The following ZNF146 variants were observed in gnomAD, a reference collection of about 807,000 sequenced individuals.
ZNF146 encodes the protein zinc finger protein 146, also known as zinc finger protein OZF.
A neutral mutation model predicts 22.2 loss-of-function variants in ZNF146; 9 were observed. The observed-to-expected ratio is 0.41, with a 90% CI of 0.24 to 0.71. The LOEUF (loss-of-function observed/expected upper bound fraction) is 0.71. Ranked by LOEUF, ZNF146 falls within the 30% of genes least tolerant of loss-of-function variation. The pLI, the probability that ZNF146 is intolerant of heterozygous loss-of-function variation, is 0.34. For missense variants in ZNF146, 194 were observed against 344.8 expected, an observed-to-expected ratio of 0.56 and a Z score of 3.46; for synonymous variants, 108 against 119.2, an observed-to-expected ratio of 0.91 and a Z score of 0.61.
At chr19:36,215,825 C>T (rs956197042) in intron 1 of ZNF146, among the ~76,000 whole-genome samples, 3 of 152,084 alleles carry the variant, frequency 2.0e-5, no homozygotes, top group African/African-American at 7.2e-5. Flanking sequence ...TATAACGGCG[C>T]CCAGGATGAG....
intron 3 of ZNF146, among the ~76,000 whole-genome samples, chr19:36,230,268 C>T (rs1054570581): frequency 6.6e-6 from 1 of 152,178 alleles, no homozygotes; most frequent in Non-Finnish European, 1.5e-5. Flanking sequence ...ATATTCACAT[C>T]CTACAAGTAT....
chr19:36,216,651 G>A (rs1489039247), intron 1 of ZNF146, among the ~76,000 whole-genome samples: 2 of 151,826 alleles, frequency 1.3e-5, no homozygotes, highest in Admixed American at 6.6e-5. Context: ...GCGAGATTCC[G>A]TCTCAATAAT....
Position 36,217,749 on chromosome 19 carries a change from C to T in ZNF146, c.-928-373C>T, listed in dbSNP as rs192336361. 6.5e-3 allele frequency among the ~76,000 whole-genome samples: 982 copies of T among 151,968 alleles called. 37 individuals are homozygous for T. Among genetic ancestry groups the T allele is most frequent in the Admixed American group, 0.054 (824 of 15,254 alleles). ...AAAATACAAAATTAGCCAGGCGTGG[C>T]GGCACATGCCTGTTAATCCCAGCTA... On this transcript the variant is annotated intron_variant, in intron 1 of 3. Coordinates refer to ENST00000443387, the MANE Select transcript of ZNF146 (RefSeq NM_007145.3).
intron 3 of ZNF146, among the ~76,000 whole-genome samples, chr19:36,234,963 G>A (rs939850492): frequency 3.9e-5 from 6 of 151,920 alleles, no homozygotes; most frequent in Non-Finnish European, 8.8e-5. Context: ...TTTGAATAAG[G>A]GAATTTGTAC....
At chr19:36,232,212 AC>A (rs1240481738) in intron 3 of ZNF146, among the ~76,000 whole-genome samples, 14 of 145,022 alleles carry the variant, frequency 9.7e-5, no homozygotes, top group South Asian at 4.5e-4. Flanking sequence ...AAAAAAAAAA[AC>A]ATACAAATTA....
intron 3 of ZNF146, among the ~76,000 whole-genome samples, chr19:36,233,312 C>T (rs114892214): frequency 0.011 from 1,700 of 152,140 alleles, 35 homozygotes; most frequent in African/African-American, 0.038. Flanking sequence ...GCCAGGAGGC[C>T]GAGGTTGCAG....
intron 2 of ZNF146, among the ~76,000 whole-genome samples, chr19:36,226,461 T>C (rs1453972932): frequency 6.6e-6 from 1 of 152,230 alleles, no homozygotes; most frequent in Non-Finnish European, 1.5e-5. Flanking sequence ...TACAACTTTA[T>C]AGAAGAGTTG....
chr19:36,224,538 T>A (rs1402411188), intron 2 of ZNF146, among the ~76,000 whole-genome samples: 2 of 152,212 alleles, frequency 1.3e-5, no homozygotes, highest in African/African-American at 4.8e-5. Flanking sequence ...AAAATATTTA[T>A]CTTTTTACTA....
At chr19:36,226,433 T>C (rs1483402792) in intron 2 of ZNF146, among the ~76,000 whole-genome samples, 3 of 152,230 alleles carry the variant, frequency 2.0e-5, no homozygotes, top group African/African-American at 4.8e-5. Flanking sequence ...TTTTTATGAT[T>C]ATGCTTTTTT....
intron 1 of ZNF146, among the ~76,000 whole-genome samples, chr19:36,217,273 G>A (rs887388189): frequency 3.3e-5 from 5 of 151,542 alleles, no homozygotes; most frequent in Non-Finnish European, 7.4e-5. Flanking sequence ...ATGTTGGCCA[G>A]GCTGGTCTTG....
intron 2 of ZNF146, among the ~76,000 whole-genome samples, chr19:36,222,260 T>A (rs1441619984): frequency 2.0e-5 from 3 of 152,002 alleles, no homozygotes; most frequent in South Asian, 2.1e-4. Context: ...TTAAAAGAAA[T>A]TTTTTTTTCA....
At chr19:36,217,730 C>G (rs1976670027) in intron 1 of ZNF146, among the ~76,000 whole-genome samples, 2 of 151,550 alleles carry the variant, frequency 1.3e-5, no homozygotes, top group Admixed American at 6.6e-5. Context: ...ACTAAAAATA[C>G]AAAATTAGCC....
At chr19:36,220,358 TTTAATTTAATTTTATTTTA>T (rs1243046430) in intron 2 of ZNF146, among the ~76,000 whole-genome samples, 6 of 133,350 alleles carry the variant, frequency 4.5e-5, no homozygotes, top group Non-Finnish European at 8.4e-5. Flanking sequence ...AGTTCTTTTT[TTTAATTTAATTTTATTTTA>T]TTTTTGAGAC....
intron 2 of ZNF146, among the ~76,000 whole-genome samples, chr19:36,228,268 A>G (rs1346932450): frequency 7.9e-5 from 7 of 89,000 alleles, no homozygotes; most frequent in African/African-American, 2.9e-4. Flanking sequence ...TGTCAGAACA[A>G]CTTCTTCACA....
rs1029318509 is a variant in ZNF146 at position 36,215,110 on chromosome 19, G to A, written c.-1015G>A. On this transcript the variant is annotated 5_prime_UTR_variant, in exon 1 of 4. Transcript: ENST00000443387. ...GGGAGTGCTTCCTCGCTCTCCGAGTGCGCAAGCGCAGCGCACCGAGTGGAC... is the reference window on the plus strand; with the variant it reads ...GGGAGTGCTTCCTCGCTCTCCGAGTACGCAAGCGCAGCGCACCGAGTGGAC... The A allele has an allele frequency of 2.6e-5, 4 of 152,488 alleles. No homozygotes were observed. Among genetic ancestry groups the A allele is most frequent in the Middle Eastern group, 3.4e-3 (1 of 294 alleles). 9.4% of individuals were successfully genotyped at this position (152,488 alleles called of 1,614,324 possible). A position where few individuals can be genotyped will look rare whatever the true frequency, so the allele number is the denominator to read the frequency against.
chr19:36,221,936 T>C (rs962552175), intron 2 of ZNF146, among the ~76,000 whole-genome samples: 54 of 128,824 alleles, frequency 4.2e-4, no homozygotes, highest in African/African-American at 1.4e-3. Flanking sequence ...TCTTTTTTTT[T>C]TTTTTTTTTT....
intron 3 of ZNF146, among the ~76,000 whole-genome samples, chr19:36,230,864 C>T (rs995739310): frequency 2.0e-5 from 3 of 152,042 alleles, no homozygotes; most frequent in Non-Finnish European, 4.4e-5. Context: ...TACAGTGGTG[C>T]GATCTCGGCT....
At chr19:36,222,697 C>G (rs1407819658) in intron 2 of ZNF146, among the ~76,000 whole-genome samples, 1 of 149,662 alleles carries the variant, frequency 6.7e-6, no homozygotes. Flanking sequence ...ATCCTTTTCA[C>G]CATTTTTCTA....
Position 36,237,185 on chromosome 19 carries a change from TTC to T in ZNF146, c.750_751del (p.Gln251ValfsTer14). On this transcript the variant is annotated frameshift_variant, in exon 4 of 4. Coordinates refer to ENST00000443387, the MANE Select transcript of ZNF146 (RefSeq NM_007145.3). LOFTEE classifies it high-confidence loss of function. ...PYGCNECGKA[F>X]SQFSTLALHL... The stretch of plus-strand genomic sequence containing the variant: ...TGGTTGTAATGAATGTGGGAAAGCT[TTC>T]TCTCAGTTCTCAACCCTTGCTCTGC... 1 of 1,614,160 alleles carries T rather than the reference TTC, an allele frequency of 6.2e-7. No homozygotes were observed. The highest frequency in any genetic ancestry group is 8.5e-7 in the Non-Finnish European group (1 of 1,179,994).
Sources: gnomAD v4.1 joint callset for allele counts (sites outside exome capture counted in the v4.1 genomes callset) on GRCh38, gnomAD v4.1.1 for gene constraint, MANE v1.5 for transcripts, NCBI Gene and HGNC (gene_info 2026-07-23, HGNC 2026-07-21) for gene names.